C2orf78: variants seen among roughly 807,000 people sequenced by gnomAD.
C2orf78 encodes the protein uncharacterized protein C2orf78.
A neutral mutation model predicts 21.4 loss-of-function variants in C2orf78; 12 were observed. The observed-to-expected ratio is 0.56, with a 90% confidence interval of 0.36 to 0.91. The LOEUF is 0.91. Ranked by LOEUF, C2orf78 falls within the 40% of genes least tolerant of loss-of-function variation. C2orf78 has a pLI of 0.01. For missense variants in C2orf78, 1,042 were observed against 1,092.4 expected (o/e 0.95, Z 0.65); for synonymous variants, 396 against 413.9 (o/e 0.96, Z 0.52).
In C2orf78 at chr2:73,815,099, T is replaced by G. The variant is rs777529482; in HGVS notation, c.876T>G (p.Thr292=). The stretch of plus-strand genomic sequence containing the variant: ...TGGAAACTTCCCTGGGGATGGATAC[T>G]TCCCTGGGATTGCAATCTCCAAGCC... The change falls in exon 3 of 3, where the codon ACT becomes ACG. Residue 292 remains threonine, a synonymous_variant. Transcript: ENST00000409561. 4 of 1,613,448 alleles carry G rather than the reference T, an allele frequency of 2.5e-6. No homozygotes were observed. The South Asian group carries it at 3.3e-5, about 13-fold the overall frequency.
intron 2 of C2orf78, 70 bp downstream of exon 2, chr2:73,814,296 G>C: frequency 6.8e-7 from 1 of 1,475,084 alleles, no homozygotes; most frequent in Non-Finnish European, 9.0e-7. Context: ...TCTGTAGCGA[G>C]TGGTGAGTCC....
chr2:73,810,585 T>A (rs1036137764), intron 1 of C2orf78, among the ~76,000 whole-genome samples: 14 of 139,698 alleles, frequency 1.0e-4, no homozygotes, highest in African/African-American at 3.4e-4. Flanking sequence ...TTATGTATAT[T>A]ATATATATAC....
exon 3 of C2orf78, chr2:73,815,182 C>T (rs1433455214): frequency 2.5e-6 from 4 of 1,614,006 alleles, no homozygotes; most frequent in Non-Finnish European, 3.4e-6. Context: ...AGCAGAAATA[C>T]CCAGACACTT....
exon 3 of C2orf78, chr2:73,816,596 A>C (rs185726198): frequency 1.2e-6 from 2 of 1,613,068 alleles, no homozygotes; most frequent in East Asian, 4.5e-5. Flanking sequence ...CAGCCAAAGC[A>C]ACCCAACCCA....
exon 3 of C2orf78, chr2:73,815,823 G>C (rs1673182507): frequency 6.2e-7 from 1 of 1,613,776 alleles, no homozygotes; most frequent in Non-Finnish European, 8.5e-7. Flanking sequence ...AGTGGTTGTT[G>C]GCAGTGCTAC....
chr2:73,811,533 C>T (rs944276474), intron 1 of C2orf78, among the ~76,000 whole-genome samples: 22 of 152,134 alleles, frequency 1.4e-4, no homozygotes, highest in Non-Finnish European at 5.9e-5. Context: ...TATCTTAATA[C>T]TTTCTTCCAA....
chr2:73,785,719 A>G (rs545123999), intron 1 of C2orf78, among the ~76,000 whole-genome samples: 59 of 152,110 alleles, frequency 3.9e-4, no homozygotes, highest in African/African-American at 1.3e-3. Flanking sequence ...AACATAGATG[A>G]CACTTGACAG....
At chr2:73,785,813 G>C (rs984893574) in intron 1 of C2orf78, among the ~76,000 whole-genome samples, 13 of 152,084 alleles carry the variant, frequency 8.5e-5, no homozygotes, top group Non-Finnish European at 1.8e-4. Flanking sequence ...TTGGGAGGCC[G>C]AGGTGGGCTG....
rs555702773 is a variant in C2orf78 at position 73,809,895 on chromosome 2, G to A, written c.98-3582G>A. On this transcript the variant is annotated intron_variant, in intron 1 of 2. Transcript: ENST00000409561. Reference sequence around the variant, plus strand: ...GGGTTATAAGGAGGCAGGTATTCTAGAGTAAGGAATTTGGTATTTTAATTA... The same window carrying A: ...GGGTTATAAGGAGGCAGGTATTCTAAAGTAAGGAATTTGGTATTTTAATTA... Among the ~76,000 whole-genome samples, 7 of 152,308 alleles carry A rather than the reference G, an allele frequency of 4.6e-5. No individual in the cohort carries two copies. The South Asian group carries it at 1.5e-3, about 32-fold the overall frequency.
At chr2:73,816,203 C>A (rs370616558) in exon 3 of C2orf78, 1 of 1,613,890 alleles carries the variant, frequency 6.2e-7, no homozygotes, top group African/African-American at 1.3e-5. Context: ...GAAGCTCAAG[C>A]AACACCCAAA....
At chr2:73,816,705 G>A (rs746765206) in exon 3 of C2orf78, 2 of 1,613,962 alleles carry the variant, frequency 1.2e-6, no homozygotes, top group South Asian at 1.1e-5. Flanking sequence ...GCGGGAGCCT[G>A]TTTCCACTGC....
Sources: allele counts gnomAD v4.1 joint callset (sites outside exome capture counted in the v4.1 genomes callset), GRCh38; gene constraint gnomAD v4.1.1; transcripts MANE v1.5; gene names NCBI Gene and HGNC (gene_info 2026-07-23, HGNC 2026-07-21).